Variants in PLA2R1 observed in about 807,000 individuals in gnomAD.
PLA2R1 encodes the protein secretory phospholipase A2 receptor.
In PLA2R1, 158 loss-of-function variants were observed where a neutral mutation model predicts 195.9. The ratio of observed to expected loss-of-function variants is 0.81; its 90% CI spans 0.71 to 0.92. PLA2R1 has a LOEUF of 0.92. PLA2R1 is among the 40% of genes least tolerant of loss of function. PLA2R1 has a pLI of 0.00. For missense variants in PLA2R1, 1,626 were observed against 1,764.6 expected, an observed-to-expected ratio of 0.92 and a Z score of 1.41; for synonymous variants, 586 against 598.2, an observed-to-expected ratio of 0.98 and a Z score of 0.30.
Position 159,946,908 on chromosome 2 carries a change from A to C in PLA2R1, c.3860T>G (p.Leu1287Arg). 1 of 1,599,464 alleles carries C rather than the reference A, an allele frequency of 6.3e-7. No individual in the cohort carries two copies. The highest frequency in any genetic ancestry group is 2.2e-5 in the East Asian group (1 of 44,676). Residue 1287 changes from leucine to arginine, a missense_variant, in exon 27 of 30, where the codon CTT (leucine) becomes CGT (arginine). Transcript: ENST00000283243. The part of the protein sequence containing the change: ...HEFCKKEGSN[L>R]LTIKDEAENA... ...TTCAGCCTCATCCTTGATTGTTAAA[A>C]GATTAGAACCTATAAGAGAGACAAG...
chr2:160,040,909 G>C (rs986282467), intron 3 of PLA2R1, among the ~76,000 whole-genome samples: 1 of 152,168 alleles, frequency 6.6e-6, no homozygotes, highest in African/African-American at 2.4e-5. Flanking sequence ...ATTATGAAAA[G>C]TGCCTTGAAT....
downstream of PLA2R1, among the ~76,000 whole-genome samples, chr2:159,931,396 T>A (rs1686582842): frequency 1.3e-5 from 2 of 152,036 alleles, no homozygotes; most frequent in African/African-American, 4.8e-5. Flanking sequence ...AAGGTGGGCA[T>A]GGTGGTATGT....
chr2:159,965,977 G>A (rs778735245), intron 20 of PLA2R1, among the ~76,000 whole-genome samples: 38 of 152,276 alleles, frequency 2.5e-4, no homozygotes, highest in East Asian at 5.8e-4. Context: ...CAAAAAGTGC[G>A]TCTTGGCCTG....
chr2:159,943,750 TA>T lies in PLA2R1; in HGVS notation c.4144+1155del. Among the ~76,000 whole-genome samples the T allele has an allele frequency of 1.3e-5, 2 of 152,262 alleles. 1 individual carries two copies. The highest frequency in any genetic ancestry group is 4.1e-4 in the South Asian group (2 of 4,824). On this transcript the variant is annotated intron_variant, in intron 28 of 29. Transcript: ENST00000283243. Reference sequence around the variant, plus strand: ...GTGTTTCTGATTTGTTCTTGATATTTAAAAGCTAGTGATAACTTGGGCACAT... The same window carrying T: ...GTGTTTCTGATTTGTTCTTGATATTTAAAGCTAGTGATAACTTGGGCACAT...
intron 10 of PLA2R1, among the ~76,000 whole-genome samples, chr2:160,012,810 G>A (rs900550982): frequency 6.6e-6 from 1 of 152,104 alleles, no homozygotes; most frequent in African/African-American, 2.4e-5. Flanking sequence ...TACTCATGGG[G>A]CTGAGGCAAG....
intron 6 of PLA2R1, among the ~76,000 whole-genome samples, chr2:160,025,588 C>CAAAAAAAAAAAA (rs56365741): frequency 1.3e-4 from 7 of 52,848 alleles, no homozygotes; most frequent in Non-Finnish European, 1.6e-4. Context: ...AACCATAAAG[C>CAAAAAAAAAAAA]AAAAAAAAAA....
At chr2:159,983,175 A>G (rs2105303861) in intron 13 of PLA2R1, among the ~76,000 whole-genome samples, 1 of 152,226 alleles carries the variant, frequency 6.6e-6, no homozygotes, top group South Asian at 2.1e-4. Context: ...TTAGAAAACT[A>G]CTCTTTGAAA....
chr2:159,959,635 G>A (rs1054053666), intron 20 of PLA2R1, among the ~76,000 whole-genome samples: 1 of 152,062 alleles, frequency 6.6e-6, no homozygotes, highest in Non-Finnish European at 1.5e-5. Flanking sequence ...ATCATTTCTA[G>A]CTCAATATTT....
chr2:160,038,707 G>C (rs780113513), intron 3 of PLA2R1, among the ~76,000 whole-genome samples: 48 of 152,302 alleles, frequency 3.2e-4, no homozygotes, highest in Admixed American at 9.2e-4. Context: ...GGTAGGGTTA[G>C]AAGTTAGAGG....
intron 1 of PLA2R1, among the ~76,000 whole-genome samples, chr2:160,057,859 C>T (rs747750666): frequency 6.6e-6 from 1 of 152,208 alleles, no homozygotes; most frequent in Non-Finnish European, 1.5e-5. Flanking sequence ...CTCCCACTGA[C>T]TTTCTGTGGC....
At position 160,016,635 on chromosome 2, in the gene PLA2R1, A is replaced by G. The variant is rs1225724177; in HGVS notation, c.1530T>C (p.Asp510=). 6.2e-7 allele frequency: 1 copy of G among 1,602,506 alleles called. No individual in the cohort carries two copies. The highest frequency in any genetic ancestry group is 8.6e-7 in the Non-Finnish European group (1 of 1,169,400). ...TTACCTCTTGACATCCTGATTCAGC[A>G]TCAGAGAGGACATGGCCTGCTTTTT... ...ICKKAGHVLS[D]AESGCQEGWE... is the part of the protein sequence containing the mutation. Residue 510 remains aspartate (D), a synonymous_variant, in exon 9 of 30, where the codon GAT becomes GAC. Transcript: ENST00000283243.
chr2:159,949,467 C>T, intron 25 of PLA2R1, 141 bp downstream of exon 25: 2 of 561,258 alleles, frequency 3.6e-6, no homozygotes, highest in South Asian at 3.0e-5. Flanking sequence ...TTCTGTTATT[C>T]TTTACATCAC....
At chr2:159,992,364 C>A (rs1239693211) in intron 11 of PLA2R1, among the ~76,000 whole-genome samples, 1 of 150,892 alleles carries the variant, frequency 6.6e-6, no homozygotes, top group Admixed American at 6.6e-5. Context: ...TTCTTATACA[C>A]CAACAACAGA....
At chr2:159,927,077 G>C (rs1686514327), downstream of PLA2R1, among the ~76,000 whole-genome samples, 1 of 152,204 alleles carries the variant, frequency 6.6e-6, no homozygotes, top group South Asian at 2.1e-4. Flanking sequence ...CTGAGGCACA[G>C]AGCAGGGTAA....
chr2:160,058,447 C>A (rs1338457358), intron 1 of PLA2R1, among the ~76,000 whole-genome samples: 3 of 152,008 alleles, frequency 2.0e-5, no homozygotes, highest in African/African-American at 7.2e-5. Context: ...CTTTCCACTC[C>A]TGCTCTGGGA....
chr2:160,055,130 A>G (rs570704959), intron 1 of PLA2R1, among the ~76,000 whole-genome samples: 1 of 152,332 alleles, frequency 6.6e-6, no homozygotes, highest in Admixed American at 6.5e-5. Flanking sequence ...AACAATAGGA[A>G]AAGAGTTAGA....
intron 17 of PLA2R1, among the ~76,000 whole-genome samples, chr2:159,971,489 T>C (rs72954866): frequency 0.069 from 5,263 of 76,408 alleles, 116 homozygotes; most frequent in Non-Finnish European, 0.14. Flanking sequence ...CACACACACA[T>C]ACACACACAC....
rs1438404374 is a variant in PLA2R1, at chr2:159,970,228, A to C, written c.2596-16T>G. ...ACTTTGATAGCTATTGAAAGAAAAA[A>C]AGTCAGCATTTATTCTACTTGTTTT... is the stretch of plus-strand genomic sequence containing the variant. On this transcript the variant is annotated splice_polypyrimidine_tract_variant and intron_variant, in intron 17 of 29. Transcript: ENST00000283243. 2.5e-6 allele frequency: 4 copies of C among 1,591,694 alleles called. No individual in the cohort carries two copies. Among genetic ancestry groups the C allele is most frequent in the Non-Finnish European group, 3.4e-6 (4 of 1,163,794 alleles).
intron 17 of PLA2R1, among the ~76,000 whole-genome samples, chr2:159,974,590 G>A (rs542649658): frequency 6.6e-6 from 1 of 152,246 alleles, no homozygotes; most frequent in South Asian, 2.1e-4. Context: ...AAAGAAATGT[G>A]TATTTTCCGA....
Sources: gnomAD v4.1 joint callset for allele counts (sites outside exome capture counted in the v4.1 genomes callset) on GRCh38, gnomAD v4.1.1 for gene constraint, MANE v1.5 for transcripts, NCBI Gene and HGNC (gene_info 2026-07-23, HGNC 2026-07-21) for gene names.